LIN9: variants seen among roughly 807,000 people sequenced by gnomAD.
LIN9 encodes lin-9 DREAM MuvB core complex component.
A neutral mutation model predicts 78.0 loss-of-function variants in LIN9; 18 were observed. That is an observed-to-expected ratio of 0.23 (90% CI 0.16 to 0.34). The LOEUF is 0.34. Ranked by LOEUF, LIN9 falls within the 10% of genes least tolerant of loss-of-function variation. The pLI is 1.00. For synonymous variants in LIN9, 192 were observed against 215.2 expected, an observed-to-expected ratio of 0.89 and a Z score of 0.94; for missense variants, 451 against 644.1, an observed-to-expected ratio of 0.70 and a Z score of 3.25.
intron 6 of LIN9, among the ~76,000 whole-genome samples, chr1:226,282,209 G>A (rs187774798): frequency 3.9e-4 from 60 of 152,138 alleles, no homozygotes; most frequent in Non-Finnish European, 2.9e-4. Flanking sequence ...TCTATTATAT[G>A]GAGTGCCATA....
At chr1:226,309,230 A>C (rs200214743), upstream of LIN9, 15 of 1,416,918 alleles carry the variant, frequency 1.1e-5, no homozygotes, top group Admixed American at 1.6e-4. Context: ...TCGAATGCGG[A>C]GCTCGCTGCC....
upstream of LIN9, chr1:226,309,241 C>T (rs554149329): frequency 7.1e-5 from 97 of 1,360,086 alleles, no homozygotes; most frequent in Middle Eastern, 2.9e-3. Context: ...GCTCGCTGCC[C>T]GCGGCGCCGC....
At chr1:226,277,744 T>A (rs1338736225) in intron 7 of LIN9, 31 bp downstream of exon 7, 1 of 1,585,334 alleles carries the variant, frequency 6.3e-7, no homozygotes, top group East Asian at 2.2e-5. Flanking sequence ...AAATTACAAG[T>A]CAAAAGAGTA....
At chr1:226,251,534 G>T (rs1002673190) in intron 10 of LIN9, among the ~76,000 whole-genome samples, 5 of 151,928 alleles carry the variant, frequency 3.3e-5, no homozygotes, top group African/African-American at 1.2e-4. Flanking sequence ...AACCATTTTT[G>T]TATTTTTAGT....
intron 10 of LIN9, among the ~76,000 whole-genome samples, chr1:226,256,621 C>A (rs1470818621): frequency 6.6e-6 from 1 of 151,480 alleles, no homozygotes; most frequent in African/African-American, 2.4e-5. Context: ...TGCAGTGGTG[C>A]GATCTTGGCT....
intron 8 of LIN9, 54 bp downstream of exon 8, chr1:226,267,899 CTCTA>C: frequency 6.7e-7 from 1 of 1,496,884 alleles, no homozygotes; most frequent in South Asian, 1.3e-5. Flanking sequence ...TCTAAAAAAA[CTCTA>C]TATAACACAT....
In LIN9 at chr1:226,281,498, T is replaced by C. The variant is rs142095683; in HGVS notation, c.525-3566A>G. Among the ~76,000 whole-genome samples the C allele has an allele frequency of 5.9e-4, 90 of 152,186 alleles. 3 individuals carry two copies. In the East Asian group the frequency reaches 0.016, roughly 27 times the overall value. ...AATTAGAAGAGAAAAATTATAATGT[T>C]CCCAACACAAAGAAAAATGTTTGAG... On this transcript the variant is annotated intron_variant, in intron 6 of 14. Transcript: ENST00000681046.
intron 4 of LIN9, among the ~76,000 whole-genome samples, chr1:226,293,064 G>A (rs1275810637): frequency 6.6e-6 from 1 of 152,132 alleles, no homozygotes; most frequent in Non-Finnish European, 1.5e-5. Context: ...TCTGGGTGGT[G>A]TTCTTTAAAT....
In LIN9 at chr1:226,266,221, G is replaced by C; in HGVS notation, c.928C>G (p.Pro310Ala). Residue 310 changes from proline (P) to alanine (A), a missense_variant, in exon 9 of 15, where the codon CCA becomes GCA. Physicochemically the swap from Pro to Ala is conservative, Grantham distance 27 (BLOSUM62 -1). Coordinates refer to ENST00000681046, the MANE Select transcript of LIN9 (RefSeq NM_001366245.2). ...TTCTAAAATATACTTACTATAATTGGTGACTGGAGAGGAGGAGTATAATGT... is the reference window on the plus strand; with the variant it reads ...TTCTAAAATATACTTACTATAATTGCTGACTGGAGAGGAGGAGTATAATGT... ...RLHYTPPLQS[P>A]IIDNDPLLGQ... is the part of the protein sequence containing the mutation. 1 of 1,565,910 alleles carries C rather than the reference G, an allele frequency of 6.4e-7. No individual in the cohort carries two copies.
In LIN9 at chr1:226,254,883, C is replaced by A. The variant is rs1306791692; in HGVS notation, c.1039-3964G>T. On this transcript the variant is annotated intron_variant, in intron 10 of 14. Transcript: ENST00000681046. ...CTGAGATCGTGCCACTACACTCTTGCCTGGGCGACAGAGCGAGACTCTGTC... is the reference window on the plus strand; with the variant it reads ...CTGAGATCGTGCCACTACACTCTTGACTGGGCGACAGAGCGAGACTCTGTC... Among the ~76,000 whole-genome samples, 3 of 148,402 alleles carry A rather than the reference C, an allele frequency of 2.0e-5. No homozygotes were observed. In the Admixed American group the frequency reaches 2.0e-4, roughly 10 times the overall value.
intron 10 of LIN9, among the ~76,000 whole-genome samples, chr1:226,260,785 C>T (rs980482938): frequency 1.3e-5 from 2 of 151,858 alleles, no homozygotes; most frequent in African/African-American, 4.8e-5. Context: ...ACTGGGACTA[C>T]AGGCACTGGC....
At chr1:226,269,422 T>C (rs1463503370) in intron 7 of LIN9, among the ~76,000 whole-genome samples, 1 of 152,080 alleles carries the variant, frequency 6.6e-6, no homozygotes, top group Non-Finnish European at 1.5e-5. Flanking sequence ...CTGAATGAGA[T>C]TGTGAAAAAC....
At chr1:226,253,405 T>C (rs1274028320) in intron 10 of LIN9, among the ~76,000 whole-genome samples, 1 of 151,478 alleles carries the variant, frequency 6.6e-6, no homozygotes, top group African/African-American at 2.4e-5. Context: ...GGAATCCTCA[T>C]GCCTCAGGCT....
At chr1:226,236,646 A>G (rs1657736391) in intron 12 of LIN9, among the ~76,000 whole-genome samples, 1 of 152,056 alleles carries the variant, frequency 6.6e-6, no homozygotes, top group East Asian at 1.9e-4. Context: ...TTTAGTAGAG[A>G]CAGGTTTTCA....
chr1:226,277,922 C>T lies in LIN9; in HGVS notation c.535G>A (p.Ala179Thr). Residue 179 changes from alanine (A) to threonine (T), a missense_variant, in exon 7 of 15, where the codon GCA becomes ACA. By Grantham distance (58) the Ala-to-Thr change is moderately conservative. Coordinates refer to ENST00000681046, the MANE Select transcript of LIN9 (RefSeq NM_001366245.2). ...GCTGATCTCTCTTCCTCAAAAAATG[C>T]AGAAGAACATCTAGAATAAATTATA... ...LMGKPRRCSS[A>T]FFEEERSALK... The T allele has an allele frequency of 1.2e-6, 2 of 1,610,480 alleles. No individual in the cohort carries two copies. The highest frequency in any genetic ancestry group is 1.7e-6 in the Non-Finnish European group (2 of 1,178,264).
At chr1:226,279,504 T>C (rs1430103852) in intron 6 of LIN9, among the ~76,000 whole-genome samples, 1 of 149,612 alleles carries the variant, frequency 6.7e-6, no homozygotes, top group African/African-American at 2.5e-5. Flanking sequence ...GGCTCATACT[T>C]GTAATCTCAG....
intron 11 of LIN9, 97 bp from the exon 12 acceptor site, chr1:226,239,193 A>C (rs1433074239): frequency 1.6e-6 from 2 of 1,218,104 alleles, no homozygotes; most frequent in Non-Finnish European, 2.3e-6. Context: ...TAAAAAGCAA[A>C]CTAAAGGTTA....
intron 12 of LIN9, among the ~76,000 whole-genome samples, chr1:226,236,754 G>C (rs2102829273): frequency 6.6e-6 from 1 of 152,300 alleles, no homozygotes; most frequent in South Asian, 2.1e-4. Flanking sequence ...ACCGCACCCG[G>C]CGTGTCTGAC....
In LIN9 at chr1:226,286,445, C is replaced by A; in HGVS notation, c.412G>T (p.Gly138Cys). 1 of 1,581,046 alleles carries A rather than the reference C, an allele frequency of 6.3e-7. No individual in the cohort carries two copies. Among genetic ancestry groups the A allele is most frequent in the Non-Finnish European group, 8.6e-7 (1 of 1,159,312 alleles). The change falls in exon 6 of 15, where the codon GGT (glycine) becomes TGT (cysteine). Residue 138 changes from glycine (G) to cysteine (C), a missense_variant. Coordinates refer to ENST00000681046, the MANE Select transcript of LIN9 (RefSeq NM_001366245.2). The part of the protein sequence containing the change: ...YSNIDKPLFE[G>C]DNDFCVCLKE... ...AGACATACACAGAAGTCATTATCAC[C>A]TTCAAAAAGTGGTCTGTAAAACAGA...
Sources: gnomAD v4.1 joint callset for allele counts (sites outside exome capture counted in the v4.1 genomes callset) on GRCh38, gnomAD v4.1.1 for gene constraint, MANE v1.5 for transcripts, NCBI Gene and HGNC (gene_info 2026-07-23, HGNC 2026-07-21) for gene names.